Variants in CDC25B observed in about 807,000 individuals in gnomAD.
CDC25B encodes cell division cycle 25B, also known as M-phase inducer phosphatase 2.
A neutral mutation model predicts 69.8 loss-of-function variants in CDC25B; 33 were observed. The observed-to-expected ratio is 0.47, with a 90% confidence interval of 0.36 to 0.63. The LOEUF is 0.63. Ranked by LOEUF, CDC25B falls within the 30% of genes least tolerant of loss-of-function variation. The pLI is 0.00. For synonymous variants in CDC25B, 341 were observed against 314.6 expected, an observed-to-expected ratio of 1.08 and a Z score of -0.89; for missense variants, 727 against 809.1, an observed-to-expected ratio of 0.90 and a Z score of 1.23.
At position 3,801,240 on chromosome 20, in the gene CDC25B, T is replaced by C; in HGVS notation, c.706-14T>C. 6.2e-7 allele frequency: 1 copy of C among 1,612,912 alleles called. No homozygotes were observed. The highest frequency in any genetic ancestry group is 1.7e-5 in the Admixed American group (1 of 59,914). On this transcript the variant is annotated splice_polypyrimidine_tract_variant and intron_variant, in intron 7 of 15. Coordinates refer to ENST00000245960, the MANE Select transcript of CDC25B (RefSeq NM_021873.4). ...CTCCACCTCTAAGTCTGTGTCTGTCTGTCATGTGGACAGTGTCTCAGTCCT... is the reference window on the plus strand; with the variant it reads ...CTCCACCTCTAAGTCTGTGTCTGTCCGTCATGTGGACAGTGTCTCAGTCCT...
rs146567070 is a variant in CDC25B, at chr20:3,797,666, G to T, written c.245G>T (p.Arg82Leu). ...SQVGTLLFRS[R>L]SRLTHLSLSR... ...GTAGGGACCCTGCTCTTCCGCAGCC[G>T]CAGCCGCCTGACGCACCTATCCCTG... Residue 82 changes from arginine (R) to leucine (L), a missense_variant, in exon 2 of 16, where the codon CGC becomes CTC. Arg to Leu is a moderately radical substitution (Grantham distance 102, BLOSUM62 -2). Around this residue, in one of 2 missense-constraint regions of CDC25B, gnomAD observed 368 missense variants for 345.6 expected, o/e 1.06. Coordinates refer to ENST00000245960, the MANE Select transcript of CDC25B (RefSeq NM_021873.4). The T allele has an allele frequency of 3.1e-6, 5 of 1,613,960 alleles. No homozygotes were observed. Among genetic ancestry groups the T allele is most frequent in the African/African-American group, 1.3e-5 (1 of 74,920 alleles).
intron 11 of CDC25B, 67 bp downstream of exon 11, chr20:3,802,443 C>A: frequency 9.0e-7 from 1 of 1,105,370 alleles, no homozygotes; most frequent in Non-Finnish European, 1.4e-6. Context: ...TCCTCTAGCC[C>A]AGGGGCTGCT....
chr20:3,795,871 A>C, upstream of CDC25B: 1 of 985,306 alleles, frequency 1.0e-6, no homozygotes, highest in Non-Finnish European at 1.2e-6. Flanking sequence ...TTCACGCCTC[A>C]GCGTCCAGGT....
chr20:3,800,439 C>T, intron 4 of CDC25B, 23 bp from the exon 5 acceptor site: 1 of 1,614,196 alleles, frequency 6.2e-7, no homozygotes, highest in East Asian at 2.2e-5. Flanking sequence ...CCAGCTCTCA[C>T]CTGTCCCCAT....
upstream of CDC25B, among the ~76,000 whole-genome samples, chr20:3,792,756 G>A (rs1331163829): frequency 1.3e-5 from 2 of 152,146 alleles, no homozygotes; most frequent in Admixed American, 6.5e-5. Context: ...GTGAGCCACC[G>A]TGCCCAGCGA....
chr20:3,800,949 T>G, intron 6 of CDC25B, 22 bp from the exon 7 acceptor site: 1 of 1,613,572 alleles, frequency 6.2e-7, no homozygotes. Context: ...GTGAGGACCC[T>G]CCTCTCCCAT....
upstream of CDC25B, among the ~76,000 whole-genome samples, chr20:3,793,594 T>C (rs1051853248): frequency 5.4e-4 from 77 of 143,622 alleles, 1 homozygote; most frequent in Non-Finnish European, 1.0e-4. Flanking sequence ...TTTTATTTTA[T>C]TTTTTTATTT....
At chr20:3,800,405 C>T in intron 4 of CDC25B, 57 bp from the exon 5 acceptor site, 1 of 1,612,104 alleles carries the variant, frequency 6.2e-7, no homozygotes, top group Non-Finnish European at 8.5e-7. Flanking sequence ...ATGCTGCATG[C>T]TCTTGGTCCC....
intron 1 of CDC25B, among the ~76,000 whole-genome samples, chr20:3,788,052 G>A (rs561190638): frequency 2.4e-4 from 36 of 152,158 alleles, no homozygotes; most frequent in African/African-American, 8.2e-4. Flanking sequence ...CAGGAGAATC[G>A]CTTGAGCCTG....
intron 3 of CDC25B, 68 bp downstream of exon 3, chr20:3,798,531 A>G (rs1568504990): frequency 7.7e-7 from 1 of 1,299,886 alleles, no homozygotes; most frequent in East Asian, 2.5e-5. Context: ...TAGTTCTACC[A>G]TAAATTCACC....
intron 10 of CDC25B, 40 bp from the exon 11 acceptor site, chr20:3,802,241 C>A (rs879185426): frequency 6.4e-7 from 1 of 1,570,276 alleles, no homozygotes; most frequent in Middle Eastern, 1.7e-4. Flanking sequence ...TGGGGGGCAG[C>A]CCCACCCTGA....
At chr20:3,798,918 G>A (rs746665354) in intron 3 of CDC25B, among the ~76,000 whole-genome samples, 16 of 152,266 alleles carry the variant, frequency 1.1e-4, no homozygotes, top group Non-Finnish European at 1.8e-4. Flanking sequence ...GCTCTTGGCC[G>A]ATCAGCAACC....
At chr20:3,804,749 G>C (rs1368049417) in intron 15 of CDC25B, 69 bp downstream of exon 15, 13 of 1,592,792 alleles carry the variant, frequency 8.2e-6, no homozygotes, top group South Asian at 1.1e-5. Context: ...GCCATGGGAT[G>C]GGGGGTGGGA....
intron 4 of CDC25B, 37 bp downstream of exon 4, chr20:3,800,366 T>C (rs540409296): frequency 6.2e-7 from 1 of 1,613,886 alleles, no homozygotes; most frequent in East Asian, 2.2e-5. Flanking sequence ...TACCACAAGC[T>C]TTCCCTTAGG....
chr20:3,803,654 C>A lies in CDC25B; in HGVS notation c.1490+117C>A, dbSNP rs2089371354. 6 of 1,301,316 alleles carry A rather than the reference C, an allele frequency of 4.6e-6. No individual in the cohort carries two copies. Among genetic ancestry groups the A allele is most frequent in the Non-Finnish European group, 6.4e-6 (6 of 930,450 alleles). 80.6% of individuals were successfully genotyped at this position (1,301,316 alleles called of 1,614,324 possible). Reference sequence around the variant, plus strand: ...TGCAAGTCCAGGTCCTCCTCTGTCCCATCTGATGGCCTAGAGCTGACCTCA... The same window carrying A: ...TGCAAGTCCAGGTCCTCCTCTGTCCAATCTGATGGCCTAGAGCTGACCTCA... On this transcript the variant is annotated intron_variant, in intron 14 of 15. Coordinates refer to ENST00000245960, the MANE Select transcript of CDC25B (RefSeq NM_021873.4). The surrounding 1 kb of genome is among the most constrained non-coding windows in gnomAD (Gnocchi z 4.9).
intron 8 of CDC25B, 101 bp downstream of exon 8, chr20:3,801,489 A>G: frequency 7.2e-7 from 1 of 1,387,334 alleles, no homozygotes. Flanking sequence ...ATGTCATTCC[A>G]GTGTCAGAAG....
At chr20:3,801,685 G>A (rs2089288043) in intron 8 of CDC25B, 37 bp from the exon 9 acceptor site, 4 of 1,515,646 alleles carry the variant, frequency 2.6e-6, no homozygotes, top group Non-Finnish European at 3.6e-6. Context: ...GCCTATGCCT[G>A]TGGGTTGTGA....
upstream of CDC25B, chr20:3,796,131 T>G: frequency 9.4e-7 from 1 of 1,060,390 alleles, no homozygotes; most frequent in African/African-American, 1.7e-5. Context: ...GGGTGTGGGA[T>G]AAATCTTAAT....
rs760704535 is a variant in CDC25B at position 3,805,816 on chromosome 20, GGTGGATGGCC to G, written c.*873_*882del. The G allele has an allele frequency of 1.3e-4, 53 of 406,666 alleles. No homozygotes were observed. The highest frequency in any genetic ancestry group is 6.1e-4 in the Admixed American group (14 of 23,006). The allele number at this position is 406,666 out of a possible 1,614,324, so 25.2% of individuals were successfully genotyped here. On this transcript the variant is annotated 3_prime_UTR_variant, in exon 16 of 16. Transcript: ENST00000245960. ...GGATGGATGGAAGGTTGGATGGATG[GGTGGATGGCC>G]GTGGATGGCCGTGGATGCGCAGTGC...
Sources: gnomAD v4.1 joint callset for allele counts (sites outside exome capture counted in the v4.1 genomes callset) on GRCh38, gnomAD v4.1.1 for gene constraint, gnomAD v4.1.1 regional missense constraint, Gnocchi (gnomAD v3.1) non-coding constraint, MANE v1.5 for transcripts, NCBI Gene and HGNC (gene_info 2026-07-23, HGNC 2026-07-21) for gene names.